KCND2: variants seen among roughly 807,000 people sequenced by gnomAD.
The protein encoded by KCND2 is potassium voltage-gated channel subfamily D member 2.
A neutral mutation model predicts 54.4 loss-of-function variants in KCND2; 16 were observed. That is an observed-to-expected ratio of 0.29 (90% CI 0.20 to 0.45). KCND2 has a LOEUF of 0.45. KCND2 is among the 20% of genes least tolerant of loss of function. The pLI is 1.00. For missense variants in KCND2, 486 were observed against 824.2 expected, an observed-to-expected ratio of 0.59 and a Z score of 5.02; for synonymous variants, 317 against 310.7, an observed-to-expected ratio of 1.02 and a Z score of -0.21.
intron 1 of KCND2, among the ~76,000 whole-genome samples, chr7:120,556,566 A>T (rs1028163619): frequency 6.6e-6 from 1 of 152,150 alleles, no homozygotes; most frequent in African/African-American, 2.4e-5. Context: ...CCCTATTTCA[A>T]AGTATTTTTC....
intron 1 of KCND2, among the ~76,000 whole-genome samples, chr7:120,580,504 A>G (rs1055068346): frequency 9.9e-5 from 15 of 152,260 alleles, no homozygotes; most frequent in African/African-American, 3.1e-4. Flanking sequence ...GAACCCACCA[A>G]TCAGAATCAG....
At chr7:120,738,068 G>A (rs10487403) in intron 2 of KCND2, among the ~76,000 whole-genome samples, 10,042 of 151,864 alleles carry the variant, frequency 0.066, 762 homozygotes, top group African/African-American at 0.19. Flanking sequence ...GTCACTTGGC[G>A]TAATTAAAAA....
intron 1 of KCND2, among the ~76,000 whole-genome samples, chr7:120,280,141 A>T (rs958467056): frequency 3.9e-5 from 6 of 152,094 alleles, no homozygotes; most frequent in African/African-American, 1.4e-4. Context: ...TTATTTTGAC[A>T]TACTATGACA....
chr7:120,548,958 T>A (rs1221991983), intron 1 of KCND2, among the ~76,000 whole-genome samples: 1 of 152,124 alleles, frequency 6.6e-6, no homozygotes, highest in Non-Finnish European at 1.5e-5. Flanking sequence ...GGCACCATTT[T>A]TGTTTCAATG....
At chr7:120,707,893 A>G (rs1471367849) in intron 1 of KCND2, among the ~76,000 whole-genome samples, 1 of 152,124 alleles carries the variant, frequency 6.6e-6, no homozygotes, top group Admixed American at 6.6e-5. Flanking sequence ...ATAATTCTCC[A>G]TTTGCTAGCC....
chr7:120,552,879 A>G (rs771474004), intron 1 of KCND2, among the ~76,000 whole-genome samples: 1 of 152,196 alleles, frequency 6.6e-6, no homozygotes, highest in Non-Finnish European at 1.5e-5. Context: ...TAGTTTTTAA[A>G]ACATTTGTAA....
At chr7:120,746,483 T>C (rs1182107423) in intron 5 of KCND2, among the ~76,000 whole-genome samples, 2 of 152,142 alleles carry the variant, frequency 1.3e-5, no homozygotes, top group Non-Finnish European at 2.9e-5. Flanking sequence ...AAACTTTGCC[T>C]ACATAAGTCA....
intron 1 of KCND2, among the ~76,000 whole-genome samples, chr7:120,511,644 T>C (rs192484267): frequency 1.3e-5 from 2 of 152,162 alleles, no homozygotes; most frequent in East Asian, 3.9e-4. Flanking sequence ...AATGTTGTTT[T>C]AGATTCTAAC....
intron 1 of KCND2, among the ~76,000 whole-genome samples, chr7:120,547,472 G>C (rs1792055173): frequency 6.6e-6 from 1 of 151,778 alleles, no homozygotes; most frequent in African/African-American, 2.4e-5. Flanking sequence ...TATTGCTCTG[G>C]CAAAATGACA....
At chr7:120,488,591 A>G (rs1802727450) in intron 1 of KCND2, among the ~76,000 whole-genome samples, 1 of 152,164 alleles carries the variant, frequency 6.6e-6, no homozygotes, top group South Asian at 2.1e-4. Context: ...CGTAACCACA[A>G]CAGTAACCAA....
intron 1 of KCND2, among the ~76,000 whole-genome samples, chr7:120,414,776 G>A (rs1462711454): frequency 6.6e-6 from 1 of 151,996 alleles, no homozygotes; most frequent in Non-Finnish European, 1.5e-5. Context: ...TAGTTTGATT[G>A]TTGAAATATC....
At chr7:120,581,321 A>C (rs1188535889) in intron 1 of KCND2, among the ~76,000 whole-genome samples, 1 of 152,134 alleles carries the variant, frequency 6.6e-6, no homozygotes, top group Non-Finnish European at 1.5e-5. Flanking sequence ...TTAGTATCTG[A>C]GTTTGATGGT....
intron 1 of KCND2, among the ~76,000 whole-genome samples, chr7:120,586,072 T>C (rs1792595908): frequency 6.6e-6 from 1 of 152,118 alleles, no homozygotes; most frequent in Non-Finnish European, 1.5e-5. Context: ...TTTCTATAGA[T>C]TGTTTTTTCT....
intron 1 of KCND2, among the ~76,000 whole-genome samples, chr7:120,363,797 C>T (rs1399461738): frequency 6.6e-6 from 1 of 152,120 alleles, no homozygotes; most frequent in Non-Finnish European, 1.5e-5. Flanking sequence ...CCCTTACACT[C>T]TTATCTGACA....
At chr7:120,337,956 C>A (rs1800175970) in intron 1 of KCND2, among the ~76,000 whole-genome samples, 1 of 152,094 alleles carries the variant, frequency 6.6e-6, no homozygotes. Context: ...TCAAAAAAGT[C>A]AAGCTGTTTT....
chr7:120,535,892 T>C (rs802375), intron 1 of KCND2, among the ~76,000 whole-genome samples: 151,193 of 152,200 alleles, frequency 0.99, 75,096 homozygotes, highest in Middle Eastern at 1. Flanking sequence ...TTTTCGTGTG[T>C]GTGTGTATGT....
At chr7:120,556,724 A>G (rs1226066576) in intron 1 of KCND2, among the ~76,000 whole-genome samples, 2 of 152,176 alleles carry the variant, frequency 1.3e-5, no homozygotes, top group East Asian at 3.9e-4. Context: ...TGCACAGAGA[A>G]ACAGTATTAC....
At chr7:120,677,030 CACGAAAAATCAAGCAA>C (rs1474884802) in intron 1 of KCND2, among the ~76,000 whole-genome samples, 1 of 152,036 alleles carries the variant, frequency 6.6e-6, no homozygotes, top group African/African-American at 2.4e-5. Context: ...GGGTAATACC[CACGAAAAATCAAGCAA>C]GTGTGTAATC....
intron 1 of KCND2, among the ~76,000 whole-genome samples, chr7:120,323,958 CTGT>C (rs1799933090): frequency 8.5e-6 from 1 of 117,694 alleles, no homozygotes; most frequent in Non-Finnish European, 1.8e-5. Context: ...TCTCCAGCAC[CTGT>C]TGTTTCCTGA....
Sources: allele counts gnomAD v4.1 joint callset (sites outside exome capture counted in the v4.1 genomes callset), GRCh38; gene constraint gnomAD v4.1.1; transcripts MANE v1.5; gene names NCBI Gene and HGNC (gene_info 2026-07-23, HGNC 2026-07-21).